CABIN1: variants seen among roughly 807,000 people sequenced by gnomAD.
The protein encoded by CABIN1 is calcineurin binding protein 1.
CABIN1 carries 133 observed loss-of-function variants against 227.7 expected under a neutral mutation model. The ratio of observed to expected loss-of-function variants is 0.58; its 90% confidence interval spans 0.51 to 0.67. The LOEUF is 0.67. Among genes scored for constraint, CABIN1 ranks in the 30% least tolerant of loss-of-function variants. The pLI, the probability that CABIN1 is intolerant of heterozygous loss-of-function variation, is 0.00. For synonymous variants in CABIN1, 1,086 were observed against 1,155.1 expected (o/e 0.94, Z 1.21); for missense variants, 2,408 against 2,852.5 (o/e 0.84, Z 3.55).
rs140436597 is a variant in CABIN1, at chr22:24,150,259, C to T, written c.4747-14141C>T. Among the ~76,000 whole-genome samples the T allele has an allele frequency of 7.6e-4, 116 of 152,290 alleles. 1 individual carries two copies. Among genetic ancestry groups the T allele is most frequent in the African/African-American group, 2.6e-3 (109 of 41,564 alleles). The stretch of plus-strand genomic sequence containing the variant: ...GTGTACTACTGTGTGAGTCTCAGGG[C>T]GCTGCAGGTACAGGAAAGAGGTGGC... On this transcript the variant is annotated intron_variant, in intron 29 of 36. Transcript: ENST00000263119.
intron 1 of CABIN1, among the ~76,000 whole-genome samples, chr22:24,030,358 C>A (rs1194162870): frequency 6.6e-6 from 1 of 152,158 alleles, no homozygotes; most frequent in Non-Finnish European, 1.5e-5. Context: ...GGCAGGTCAG[C>A]TAGTCTCCCT....
intron 28 of CABIN1, among the ~76,000 whole-genome samples, chr22:24,129,213 A>T (rs1237647149): frequency 6.6e-6 from 1 of 152,222 alleles, no homozygotes; most frequent in Non-Finnish European, 1.5e-5. Context: ...GGAAGGCTAC[A>T]GGTAGGGATG....
intron 9 of CABIN1, 145 bp downstream of exon 9, chr22:24,055,304 C>T (rs2038702826): frequency 2.1e-6 from 2 of 960,268 alleles, no homozygotes; most frequent in Non-Finnish European, 3.0e-6. Flanking sequence ...GCCCCCAGCC[C>T]TAGAGGAGCC....
Position 24,137,315 on chromosome 22 carries a change from C to T in CABIN1, c.4746+2900C>T, listed in dbSNP as rs1264081281. Among the ~76,000 whole-genome samples, 5 of 152,310 alleles carry T rather than the reference C, an allele frequency of 3.3e-5. No homozygotes were observed. The South Asian group carries it at 1.0e-3, about 32-fold the overall frequency. On this transcript the variant is annotated intron_variant, in intron 29 of 36. Transcript: ENST00000263119. ...CAGATGCCTGCCCCGCAGAGCACAT[C>T]CAAGTTGGCAGCCACATGCTCCAGG...
At chr22:24,020,926 A>G (rs918440574) in intron 1 of CABIN1, among the ~76,000 whole-genome samples, 13 of 151,930 alleles carry the variant, frequency 8.6e-5, no homozygotes, top group South Asian at 2.1e-4. Flanking sequence ...ATATACATCT[A>G]TATCATCTCC....
intron 15 of CABIN1, 117 bp downstream of exon 15, chr22:24,064,304 C>T: frequency 8.9e-7 from 1 of 1,123,712 alleles, no homozygotes; most frequent in Non-Finnish European, 1.3e-6. Context: ...CTCTGGGGTT[C>T]AAGGGATTCT....
At chr22:24,034,203 C>T (rs761872138) in intron 1 of CABIN1, among the ~76,000 whole-genome samples, 2 of 152,200 alleles carry the variant, frequency 1.3e-5, no homozygotes, top group African/African-American at 2.4e-5. Context: ...GCTCACCTGC[C>T]GCTCATCTCC....
rs761650605 is a variant in CABIN1, at chr22:24,056,335, C to A, written c.1237C>A (p.Leu413Ile). Residue 413 changes from leucine to isoleucine, a missense_variant, in exon 10 of 37, where the codon CTT becomes ATT. This residue lies in a region of CABIN1 where 1,045 missense variants were observed against 1,168.4 expected (regional missense o/e 0.89). Coordinates refer to ENST00000263119, the MANE Select transcript of CABIN1 (RefSeq NM_012295.4). Reference protein sequence around the residue: ...KKEEKVDFQELLMKFLPSRLR... With the variant: ...KKEEKVDFQEILMKFLPSRLR... ...AGAAGAGAAAGTAGACTTCCAGGAGCTTCTGATGAAGTTCTTGCCGTCCAG... is the reference window on the plus strand; with the variant it reads ...AGAAGAGAAAGTAGACTTCCAGGAGATTCTGATGAAGTTCTTGCCGTCCAG... 1 of 1,613,948 alleles carries A rather than the reference C, an allele frequency of 6.2e-7. No homozygotes were observed. The highest frequency in any genetic ancestry group is 8.5e-7 in the Non-Finnish European group (1 of 1,179,860).
intron 14 of CABIN1, 90 bp downstream of exon 14, chr22:24,063,236 ATG>A (rs145495810): frequency 0.11 from 98,277 of 891,768 alleles, 49 homozygotes; most frequent in South Asian, 0.16. Flanking sequence ...GTGTGTGTGT[ATG>A]TGTGTGTGTG....
At chr22:24,089,795 AC>A (rs1186331062) in intron 23 of CABIN1, among the ~76,000 whole-genome samples, 2 of 152,238 alleles carry the variant, frequency 1.3e-5, no homozygotes, top group East Asian at 1.9e-4. Context: ...GTGTAGGAGA[AC>A]AAATGCTTTC....
At chr22:24,156,102 C>A in intron 29 of CABIN1, 1 of 410,040 alleles carries the variant, frequency 2.4e-6, no homozygotes, top group Non-Finnish European at 4.3e-6. Flanking sequence ...GGGCGGGGGC[C>A]GGGACTGGGG....
intron 31 of CABIN1, among the ~76,000 whole-genome samples, chr22:24,165,958 A>G (rs531277744): frequency 6.6e-6 from 1 of 152,288 alleles, no homozygotes; most frequent in African/African-American, 2.4e-5. Flanking sequence ...TGAGAACACC[A>G]TGTGTGTGCA....
intron 34 of CABIN1, among the ~76,000 whole-genome samples, chr22:24,172,370 C>T (rs1471005142): frequency 6.6e-6 from 1 of 152,230 alleles, no homozygotes; most frequent in Non-Finnish European, 1.5e-5. Flanking sequence ...CCACACCAGG[C>T]CTCCCTCAGG....
chr22:24,134,835 T>C (rs577788589), intron 29 of CABIN1, among the ~76,000 whole-genome samples: 1 of 152,310 alleles, frequency 6.6e-6, no homozygotes, highest in East Asian at 1.9e-4. Flanking sequence ...CCCAGCACTT[T>C]TGGAGGCCGA....
chr22:24,065,880 T>A (rs2039633413), intron 15 of CABIN1, among the ~76,000 whole-genome samples: 1 of 152,082 alleles, frequency 6.6e-6, no homozygotes. Context: ...GGCGCACGCC[T>A]GCAATCGCAG....
At chr22:24,104,711 T>C (rs925698349) in intron 26 of CABIN1, among the ~76,000 whole-genome samples, 3 of 152,236 alleles carry the variant, frequency 2.0e-5, no homozygotes, top group African/African-American at 7.2e-5. Flanking sequence ...CGGGCCAGCC[T>C]TGCTTCTGGT....
chr22:24,130,424 G>A (rs1417696511), intron 28 of CABIN1, among the ~76,000 whole-genome samples: 11 of 152,166 alleles, frequency 7.2e-5, no homozygotes, highest in Admixed American at 7.2e-4. Context: ...TCCTGGCTCT[G>A]GGACCTTGGG....
At chr22:24,062,388 T>C (rs2039262635) in intron 13 of CABIN1, among the ~76,000 whole-genome samples, 1 of 147,050 alleles carries the variant, frequency 6.8e-6, no homozygotes, top group Admixed American at 6.8e-5. Flanking sequence ...GACAGCGTCT[T>C]GCTCTGTCAC....
At chr22:24,156,091 G>C in intron 29 of CABIN1, 3 of 415,944 alleles carry the variant, frequency 7.2e-6, no homozygotes, top group Non-Finnish European at 1.3e-5. Context: ...GAACTTGGCG[G>C]GGGCGGGGGC....
Sources: allele counts gnomAD v4.1 joint callset (sites outside exome capture counted in the v4.1 genomes callset), GRCh38; gene constraint gnomAD v4.1.1; regional missense constraint gnomAD v4.1.1; transcripts MANE v1.5; gene names NCBI Gene and HGNC (gene_info 2026-07-23, HGNC 2026-07-21).